GABRB3: variants seen among roughly 807,000 people sequenced by gnomAD.
The protein encoded by GABRB3 is gamma-aminobutyric acid type A receptor subunit beta3.
GABRB3 carries 14 observed loss-of-function variants against 52.1 expected under a neutral mutation model. The ratio of observed to expected loss-of-function variants is 0.27; its 90% confidence interval spans 0.18 to 0.42. The LOEUF (loss-of-function observed/expected upper bound fraction) is 0.42. Among genes scored for constraint, GABRB3 ranks in the 10% least tolerant of loss-of-function variants. The pLI is 1.00. For missense variants in GABRB3, 307 were observed against 609.1 expected (o/e 0.50, Z 5.22); for synonymous variants, 260 against 232.3 (o/e 1.12, Z -1.08).
At chr15:26,709,520 T>TA (rs1889221855) in intron 3 of GABRB3, among the ~76,000 whole-genome samples, 1 of 134,866 alleles carries the variant, frequency 7.4e-6, no homozygotes, top group Non-Finnish European at 1.6e-5. Flanking sequence ...TCTTTCTTTT[T>TA]TTTTTTTTTT....
chr15:26,695,193 C>CA (rs1480429988), intron 3 of GABRB3, among the ~76,000 whole-genome samples: 1 of 151,866 alleles, frequency 6.6e-6, no homozygotes, highest in Admixed American at 6.6e-5. Flanking sequence ...AAATGACCCC[C>CA]AAAAAATGTA....
At chr15:26,760,819 A>ACACACACG (rs1890800170) in intron 3 of GABRB3, among the ~76,000 whole-genome samples, 1 of 151,662 alleles carries the variant, frequency 6.6e-6, no homozygotes. Flanking sequence ...GCACACACAC[A>ACACACACG]CACACACAAG....
At chr15:26,768,197 A>G (rs1891048494) in intron 3 of GABRB3, among the ~76,000 whole-genome samples, 1 of 151,668 alleles carries the variant, frequency 6.6e-6, no homozygotes, top group East Asian at 1.9e-4. Context: ...ATGAAATGAG[A>G]AAAAAAAAGT....
chr15:26,688,177 T>G (rs1289735899), intron 3 of GABRB3, among the ~76,000 whole-genome samples: 1 of 152,168 alleles, frequency 6.6e-6, no homozygotes, highest in South Asian at 2.1e-4. Flanking sequence ...ATCCAATACC[T>G]TTTTCTCCCT....
intron 3 of GABRB3, among the ~76,000 whole-genome samples, chr15:26,674,400 C>CAAAA (rs55723767): frequency 1.9e-3 from 162 of 86,642 alleles, no homozygotes; most frequent in African/African-American, 2.8e-3. Context: ...GACTCAGTTT[C>CAAAA]AAAAAAAAAA....
At chr15:26,716,340 T>C (rs1889466263) in intron 3 of GABRB3, among the ~76,000 whole-genome samples, 1 of 152,162 alleles carries the variant, frequency 6.6e-6, no homozygotes, top group Non-Finnish European at 1.5e-5. Flanking sequence ...CTGATGATGC[T>C]GCATTCATAT....
At chr15:26,754,738 C>T (rs952617786) in intron 3 of GABRB3, among the ~76,000 whole-genome samples, 1 of 152,118 alleles carries the variant, frequency 6.6e-6, no homozygotes, top group Admixed American at 6.5e-5. Flanking sequence ...CCTCATTGCA[C>T]TCCAACAAAG....
Position 26,717,081 on chromosome 15 carries a change from C to G in GABRB3, c.240+55321G>C, listed in dbSNP as rs59951315. Among the ~76,000 whole-genome samples, 126 of 104,194 alleles carry G rather than the reference C, an allele frequency of 1.2e-3. 15 individuals carry two copies. Among genetic ancestry groups the G allele is most frequent in the Middle Eastern group, 0.018 (2 of 114 alleles). 68.4% of individuals were successfully genotyped at this position (104,194 alleles called of 152,430 possible). A position where few individuals can be genotyped will look rare whatever the true frequency, so the allele number is the denominator to read the frequency against. ...TCCCTCCGATGACAGCCCAGCTCTG[C>G]GGACATCCACCCAATGACAGCCCAG... is the stretch of plus-strand genomic sequence containing the variant. On this transcript the variant is annotated intron_variant, in intron 3 of 8. Coordinates refer to ENST00000311550, the MANE Select transcript of GABRB3 (RefSeq NM_000814.6).
intron 3 of GABRB3, among the ~76,000 whole-genome samples, chr15:26,698,556 A>G (rs1424262094): frequency 6.6e-6 from 1 of 152,236 alleles, no homozygotes; most frequent in African/African-American, 2.4e-5. Context: ...AAGGATAAAA[A>G]TAGAAAAGAG....
chr15:26,645,738 T>C (rs1414640655), intron 3 of GABRB3, among the ~76,000 whole-genome samples: 1 of 152,144 alleles, frequency 6.6e-6, no homozygotes, highest in Non-Finnish European at 1.5e-5. Context: ...AGACCTGTTA[T>C]CCTAAACTAG....
intron 3 of GABRB3, among the ~76,000 whole-genome samples, chr15:26,644,999 T>A (rs890243138): frequency 1.3e-5 from 2 of 152,206 alleles, no homozygotes; most frequent in Admixed American, 6.5e-5. Context: ...ATTTCAACAC[T>A]TTTTGTAAGA....
intron 8 of GABRB3, among the ~76,000 whole-genome samples, chr15:26,560,435 C>A (rs530322649): frequency 3.3e-5 from 5 of 152,232 alleles, no homozygotes; most frequent in African/African-American, 1.2e-4. Flanking sequence ...GTCCAAATGC[C>A]CTCACCCAAA....
At chr15:26,596,881 T>C (rs548544408) in intron 4 of GABRB3, among the ~76,000 whole-genome samples, 1 of 152,172 alleles carries the variant, frequency 6.6e-6, no homozygotes, top group East Asian at 1.9e-4. Flanking sequence ...GGTTGGTAAG[T>C]CCAAGGTAGA....
intron 3 of GABRB3, among the ~76,000 whole-genome samples, chr15:26,736,619 G>A (rs12912085): frequency 0.24 from 36,950 of 152,204 alleles, 4,695 homozygotes; most frequent in South Asian, 0.26. Flanking sequence ...CCCAGCTCCC[G>A]CAGGAGAGGC....
At chr15:26,745,879 A>C (rs557484936) in intron 3 of GABRB3, among the ~76,000 whole-genome samples, 2 of 152,170 alleles carry the variant, frequency 1.3e-5, no homozygotes, top group South Asian at 2.1e-4. Flanking sequence ...TTCCAGTTTC[A>C]GGCTATTAAA....
chr15:26,561,242 C>T, intron 7 of GABRB3, 66 bp from the exon 8 acceptor site: 2 of 1,604,638 alleles, frequency 1.2e-6, no homozygotes, highest in Non-Finnish European at 1.7e-6. Flanking sequence ...TTTCACTTTC[C>T]TTTTATGTTT....
At chr15:26,618,225 A>C (rs909335657) in intron 4 of GABRB3, among the ~76,000 whole-genome samples, 67 of 152,272 alleles carry the variant, frequency 4.4e-4, no homozygotes, top group African/African-American at 1.6e-3. Context: ...CTAAGCCAAA[A>C]GAACAAAGCT....
intron 3 of GABRB3, among the ~76,000 whole-genome samples, chr15:26,650,851 C>T (rs1039235887): frequency 1.3e-5 from 2 of 152,076 alleles, no homozygotes; most frequent in African/African-American, 4.8e-5. Flanking sequence ...TTTGAGGAGA[C>T]GGACTTCAGA....
chr15:26,730,451 T>C (rs1889881666), intron 3 of GABRB3, among the ~76,000 whole-genome samples: 1 of 147,610 alleles, frequency 6.8e-6, no homozygotes, highest in Non-Finnish European at 1.5e-5. Context: ...ACTTACAGGA[T>C]GAAACAACAG....
Sources: allele counts gnomAD v4.1 joint callset (sites outside exome capture counted in the v4.1 genomes callset), GRCh38; gene constraint gnomAD v4.1.1; transcripts MANE v1.5; gene names NCBI Gene and HGNC (gene_info 2026-07-23, HGNC 2026-07-21).